CDKAL1: variants seen among roughly 807,000 people sequenced by gnomAD.
CDKAL1 encodes threonylcarbamoyladenosine tRNA methylthiotransferase.
A neutral mutation model predicts 68.2 loss-of-function variants in CDKAL1; 32 were observed. That is an observed-to-expected ratio of 0.47 (90% CI 0.35 to 0.63). CDKAL1 has a LOEUF of 0.63. Among genes scored for constraint, CDKAL1 ranks in the 30% least tolerant of loss-of-function variants. The pLI is 0.00. For missense variants in CDKAL1, 606 were observed against 696.7 expected (o/e 0.87, Z 1.47); for synonymous variants, 234 against 244.3 (o/e 0.96, Z 0.39).
chr6:21,191,969 G>GAATATTTTTAT (rs1210354297), intron 13 of CDKAL1, among the ~76,000 whole-genome samples: 1 of 112,978 alleles, frequency 8.9e-6, no homozygotes, highest in Non-Finnish European at 1.8e-5. Context: ...AGTTTTACAG[G>GAATATTTTTAT]AATATTTTTA....
At chr6:20,544,105 A>C (rs184334711) in intron 2 of CDKAL1, among the ~76,000 whole-genome samples, 2 of 152,102 alleles carry the variant, frequency 1.3e-5, no homozygotes, top group Non-Finnish European at 2.9e-5. Flanking sequence ...GACTTAGGTC[A>C]AGGTTCATTT....
intron 15 of CDKAL1, among the ~76,000 whole-genome samples, chr6:21,205,416 C>A (rs889745842): frequency 6.6e-6 from 1 of 152,192 alleles, no homozygotes; most frequent in Non-Finnish European, 1.5e-5. Context: ...ACATTTCCAC[C>A]AATAGTGCAC....
intron 8 of CDKAL1, among the ~76,000 whole-genome samples, chr6:20,786,308 T>G (rs1775668742): frequency 6.6e-6 from 1 of 152,094 alleles, no homozygotes; most frequent in Admixed American, 6.6e-5. Flanking sequence ...ATTGTATAAA[T>G]TTTGGATGGG....
At chr6:20,662,534 GA>G (rs112501738) in intron 5 of CDKAL1, among the ~76,000 whole-genome samples, 2 of 152,104 alleles carry the variant, frequency 1.3e-5, no homozygotes, top group African/African-American at 4.8e-5. Flanking sequence ...GTGGGTGTTA[GA>G]GTGCATAGAC....
intron 4 of CDKAL1, among the ~76,000 whole-genome samples, chr6:20,584,192 G>A (rs9350262): frequency 0.37 from 56,209 of 151,690 alleles, 10,764 homozygotes; most frequent in East Asian, 0.54. Flanking sequence ...TACCTGTTCA[G>A]ATTCTTAAGG....
intron 6 of CDKAL1, among the ~76,000 whole-genome samples, chr6:20,749,554 CT>C (rs1305700199): frequency 3.4e-4 from 50 of 145,762 alleles, no homozygotes; most frequent in African/African-American, 5.5e-4. Context: ...TTTTTCTTTT[CT>C]TTTTTTTTTT....
intron 4 of CDKAL1, among the ~76,000 whole-genome samples, chr6:20,592,037 CTT>C (rs1765612960): frequency 6.6e-6 from 1 of 152,268 alleles, no homozygotes; most frequent in African/African-American, 2.4e-5. Context: ...TGTGTCCTCT[CTT>C]ATTTCCTTGA....
At chr6:21,122,385 C>T (rs1421042023) in intron 13 of CDKAL1, among the ~76,000 whole-genome samples, 1 of 151,926 alleles carries the variant, frequency 6.6e-6, no homozygotes, top group Non-Finnish European at 1.5e-5. Context: ...GGAGTTTTTT[C>T]GTTTTTCTCA....
intron 13 of CDKAL1, among the ~76,000 whole-genome samples, chr6:21,195,020 C>A (rs1156411688): frequency 2.6e-5 from 4 of 152,162 alleles, no homozygotes; most frequent in African/African-American, 7.2e-5. Flanking sequence ...AAGCTTACTG[C>A]AGCCTCCAAC....
chr6:20,601,222 T>C (rs1188760393), intron 4 of CDKAL1, among the ~76,000 whole-genome samples: 1 of 152,176 alleles, frequency 6.6e-6, no homozygotes, highest in Non-Finnish European at 1.5e-5. Flanking sequence ...CATAATTAAA[T>C]GCAAATAGGG....
At chr6:20,838,157 T>C (rs1381557924) in intron 8 of CDKAL1, among the ~76,000 whole-genome samples, 3 of 152,158 alleles carry the variant, frequency 2.0e-5, no homozygotes, top group East Asian at 1.9e-4. Flanking sequence ...GAATATATCT[T>C]ACATGGCAGA....
At chr6:20,725,769 AG>A (rs1581454038) in intron 5 of CDKAL1, among the ~76,000 whole-genome samples, 1 of 145,900 alleles carries the variant, frequency 6.9e-6, no homozygotes, top group East Asian at 2.1e-4. Context: ...GGGCAACAAG[AG>A]TGAAACTCCG....
intron 9 of CDKAL1, among the ~76,000 whole-genome samples, chr6:20,867,136 G>A (rs1759951203): frequency 6.6e-6 from 1 of 152,176 alleles, no homozygotes; most frequent in Admixed American, 6.5e-5. Context: ...TCAAATGGAG[G>A]ATCAAGTCAT....
At chr6:20,599,354 C>T (rs897322464) in intron 4 of CDKAL1, 18 of 452,568 alleles carry the variant, frequency 4.0e-5, no homozygotes, top group Non-Finnish European at 6.2e-5. Flanking sequence ...AATTTAATTA[C>T]ATGTCTCTCT....
intron 7 of CDKAL1, among the ~76,000 whole-genome samples, chr6:20,768,350 T>C (rs1161145129): frequency 6.6e-6 from 1 of 152,222 alleles, no homozygotes; most frequent in Non-Finnish European, 1.5e-5. Flanking sequence ...TAATATAAAA[T>C]TGAGTTTCAG....
intron 10 of CDKAL1, among the ~76,000 whole-genome samples, chr6:20,959,972 TGAG>T (rs1016219754): frequency 3.3e-5 from 5 of 152,210 alleles, no homozygotes; most frequent in Admixed American, 6.5e-5. Context: ...CTGCTGCTAA[TGAG>T]GCACCTGAAA....
At chr6:20,769,494 T>A (rs111875542) in intron 7 of CDKAL1, among the ~76,000 whole-genome samples, 2,188 of 152,160 alleles carry the variant, frequency 0.014, 41 homozygotes, top group African/African-American at 0.05. Context: ...CCTTGCCTCA[T>A]GTGATCTCCC....
intron 4 of CDKAL1, among the ~76,000 whole-genome samples, chr6:20,595,676 A>T (rs575872952): frequency 6.6e-6 from 1 of 152,146 alleles, no homozygotes; most frequent in East Asian, 1.9e-4. Flanking sequence ...TACTTCTGTC[A>T]GTTCGTCACA....
At chr6:21,123,523 G>T (rs558796259) in intron 13 of CDKAL1, among the ~76,000 whole-genome samples, 6 of 152,314 alleles carry the variant, frequency 3.9e-5, no homozygotes, top group African/African-American at 1.4e-4. Flanking sequence ...ATTAAGTGTG[G>T]ATATTGGTGC....
Sources: allele counts gnomAD v4.1 joint callset (sites outside exome capture counted in the v4.1 genomes callset), GRCh38; gene constraint gnomAD v4.1.1; transcripts MANE v1.5; gene names NCBI Gene and HGNC (gene_info 2026-07-23, HGNC 2026-07-21).